Variants in CLSTN2 observed in about 807,000 individuals in gnomAD.
CLSTN2 encodes the protein calsyntenin-2.
In CLSTN2, 48 loss-of-function variants were observed where a neutral mutation model predicts 101.2. That is an observed-to-expected ratio of 0.47 (90% CI 0.38 to 0.60). The LOEUF (loss-of-function observed/expected upper bound fraction) is 0.60, where lower values mean the gene tolerates loss of function less well. CLSTN2 is among the 20% of genes least tolerant of loss of function. The pLI is 0.00. For missense variants in CLSTN2, 1,160 were observed against 1,238.2 expected, an observed-to-expected ratio of 0.94 and a Z score of 0.95; for synonymous variants, 481 against 463.6, an observed-to-expected ratio of 1.04 and a Z score of -0.48.
chr3:140,104,697 G>A (rs1031615893), intron 1 of CLSTN2, among the ~76,000 whole-genome samples: 24 of 152,376 alleles, frequency 1.6e-4, no homozygotes, highest in African/African-American at 4.8e-4. Context: ...GGCAAGATTA[G>A]ATATGGTGGC....
intron 1 of CLSTN2, among the ~76,000 whole-genome samples, chr3:140,064,082 G>A (rs1576414436): frequency 1.3e-5 from 2 of 152,194 alleles, no homozygotes; most frequent in South Asian, 4.1e-4. Context: ...AGCGTGAACA[G>A]ATAGCAGAGT....
At chr3:140,315,102 A>G (rs2087215907) in intron 2 of CLSTN2, among the ~76,000 whole-genome samples, 1 of 152,224 alleles carries the variant, frequency 6.6e-6, no homozygotes, top group Non-Finnish European at 1.5e-5. Flanking sequence ...GAGCAGAAAT[A>G]AAGCACTGCT....
At chr3:140,300,790 AG>A (rs2087050804) in intron 2 of CLSTN2, among the ~76,000 whole-genome samples, 1 of 150,508 alleles carries the variant, frequency 6.6e-6, no homozygotes, top group African/African-American at 2.4e-5. Context: ...CTAGAGAAGC[AG>A]TACCAGTAGG....
At chr3:140,113,519 A>T (rs577882306) in intron 1 of CLSTN2, among the ~76,000 whole-genome samples, 1 of 152,344 alleles carries the variant, frequency 6.6e-6, no homozygotes, top group South Asian at 2.1e-4. Context: ...TCTTGGCACC[A>T]ACTACATTCC....
chr3:140,337,682 G>C (rs1200343724), intron 2 of CLSTN2, among the ~76,000 whole-genome samples: 2 of 152,136 alleles, frequency 1.3e-5, no homozygotes, highest in Non-Finnish European at 2.9e-5. Flanking sequence ...CCAGGTCATG[G>C]GGCTGGCCTT....
intron 5 of CLSTN2, among the ~76,000 whole-genome samples, chr3:140,426,269 G>C (rs1222253089): frequency 6.6e-6 from 1 of 152,072 alleles, no homozygotes; most frequent in Non-Finnish European, 1.5e-5. Context: ...TTATACTAAT[G>C]CTCTCCCTCC....
chr3:140,218,678 C>T (rs1295649178), intron 2 of CLSTN2, among the ~76,000 whole-genome samples: 5 of 152,296 alleles, frequency 3.3e-5, no homozygotes, highest in Admixed American at 3.3e-4. Flanking sequence ...ACCAATTAAG[C>T]TCTCAGGAAC....
intron 1 of CLSTN2, among the ~76,000 whole-genome samples, chr3:140,113,390 T>A (rs1028920247): frequency 1.3e-5 from 2 of 152,320 alleles, no homozygotes; most frequent in Admixed American, 6.5e-5. Context: ...TGCGGCACTC[T>A]TGGTCTTCAA....
In CLSTN2 at chr3:140,575,664, G is replaced by A. The variant is rs1230332031; in HGVS notation, c.*9411G>A. ...AAGAAATCTGTAGGTGTTAGAGCTG[G>A]GTTTGTTATGTTATTGTCAGGGACA... On this transcript the variant is annotated 3_prime_UTR_variant, in exon 17 of 17. Coordinates refer to ENST00000458420, the MANE Select transcript of CLSTN2 (RefSeq NM_022131.3). 1 of 152,164 alleles carries A rather than the reference G, an allele frequency of 6.6e-6. No homozygotes were observed. The highest frequency in any genetic ancestry group is 1.5e-5 in the Non-Finnish European group (1 of 68,036). The allele number at this position is 152,164 out of a possible 1,614,324, so 9.4% of individuals were successfully genotyped here.
chr3:140,423,455 T>G (rs1195932630), intron 5 of CLSTN2, among the ~76,000 whole-genome samples: 2 of 152,174 alleles, frequency 1.3e-5, no homozygotes, highest in Non-Finnish European at 2.9e-5. Context: ...AAAATGTACC[T>G]TTCTGTGGAA....
chr3:140,096,127 T>G (rs2008864878), intron 1 of CLSTN2, among the ~76,000 whole-genome samples: 1 of 152,130 alleles, frequency 6.6e-6, no homozygotes, highest in South Asian at 2.1e-4. Context: ...CAAAGCCCAG[T>G]TTTAGAGTTC....
chr3:140,523,485 G>A (rs1935077745), intron 8 of CLSTN2, among the ~76,000 whole-genome samples: 1 of 152,046 alleles, frequency 6.6e-6, no homozygotes, highest in Non-Finnish European at 1.5e-5. Flanking sequence ...TTCTTCTGTT[G>A]TTAATGTTAT....
intron 1 of CLSTN2, among the ~76,000 whole-genome samples, chr3:140,152,996 G>T (rs1295911972): frequency 6.6e-6 from 1 of 152,190 alleles, no homozygotes; most frequent in Admixed American, 6.5e-5. Flanking sequence ...AGCCTCATTG[G>T]CTGTGGAGCT....
chr3:139,978,853 G>A (rs1173301363), intron 1 of CLSTN2, among the ~76,000 whole-genome samples: 1 of 152,130 alleles, frequency 6.6e-6, no homozygotes, highest in African/African-American at 2.4e-5. Context: ...GGCTAAAATA[G>A]TTCAAAGCAG....
At chr3:140,073,251 G>A (rs747148808) in intron 1 of CLSTN2, among the ~76,000 whole-genome samples, 1 of 152,140 alleles carries the variant, frequency 6.6e-6, no homozygotes, top group South Asian at 2.1e-4. Context: ...AGGTATAGAC[G>A]AGTGGGAAGA....
chr3:140,071,723 C>T (rs1560086164), intron 1 of CLSTN2, among the ~76,000 whole-genome samples: 2 of 151,836 alleles, frequency 1.3e-5, no homozygotes, highest in Non-Finnish European at 2.9e-5. Context: ...CCCAGCTACC[C>T]AGGAGGCTGA....
In CLSTN2 at chr3:140,012,919, G is replaced by T. The variant is rs184424385; in HGVS notation, c.109+77436G>T. ...AGTGGTGCTGGAAATGCAGCTTGGAGGTATGGCTGGACACAGAGACATGAG... is the reference window on the plus strand; with the variant it reads ...AGTGGTGCTGGAAATGCAGCTTGGATGTATGGCTGGACACAGAGACATGAG... On this transcript the variant is annotated intron_variant, in intron 1 of 16. Transcript: ENST00000458420. Among the ~76,000 whole-genome samples, 7 of 116,132 alleles carry T rather than the reference G, an allele frequency of 6.0e-5. No homozygotes were observed. In the Admixed American group the frequency reaches 6.4e-4, roughly 11 times the overall value. The allele number at this position is 116,132 out of a possible 152,430, so 76.2% of individuals were successfully genotyped here.
At chr3:140,491,420 C>T (rs1290239423) in intron 8 of CLSTN2, among the ~76,000 whole-genome samples, 1 of 152,206 alleles carries the variant, frequency 6.6e-6, no homozygotes, top group Non-Finnish European at 1.5e-5. Context: ...ATTAGAAATA[C>T]TTGAATGAAC....
chr3:140,081,352 C>T (rs567223595), intron 1 of CLSTN2, among the ~76,000 whole-genome samples: 3 of 152,290 alleles, frequency 2.0e-5, no homozygotes, highest in South Asian at 2.1e-4. Context: ...TAATTTTCTT[C>T]GTGCCAAGGT....
Sources: allele counts gnomAD v4.1 joint callset (sites outside exome capture counted in the v4.1 genomes callset), GRCh38; gene constraint gnomAD v4.1.1; transcripts MANE v1.5; gene names NCBI Gene and HGNC (gene_info 2026-07-23, HGNC 2026-07-21).